Variants in TMEM39A observed in about 807,000 individuals in gnomAD.
TMEM39A encodes the protein transmembrane protein 39A.
A neutral mutation model predicts 51.9 loss-of-function variants in TMEM39A; 19 were observed. The ratio of observed to expected loss-of-function variants is 0.37; its 90% confidence interval spans 0.26 to 0.54. The LOEUF (loss-of-function observed/expected upper bound fraction) is 0.54. TMEM39A is among the 20% of genes least tolerant of loss of function. The probability of loss-of-function intolerance (pLI) is 0.88; values close to 1 mark genes in which losing one functional copy is unlikely to be tolerated. For missense variants in TMEM39A, 433 were observed against 590.5 expected (o/e 0.73, Z 2.76); for synonymous variants, 197 against 220.2 (o/e 0.89, Z 0.93).
At position 119,443,063 on chromosome 3, in the gene TMEM39A, C is replaced by CAAA. The variant is rs56263355; in HGVS notation, c.575+3952_575+3954dup. ...CCTGGGCGACAGTGAGACCCTGTCTCAAAAAAAAAAAAAAAAAAAAAAAAG... is the reference window on the plus strand; with the variant it reads ...CCTGGGCGACAGTGAGACCCTGTCTCAAAAAAAAAAAAAAAAAAAAAAAAAAAG... On this transcript the variant is annotated intron_variant, in intron 5 of 8. Coordinates refer to ENST00000319172, the MANE Select transcript of TMEM39A (RefSeq NM_018266.3). 8.1e-3 allele frequency among the ~76,000 whole-genome samples: 428 copies of CAAA among 53,070 alleles called. 6 individuals are homozygous for CAAA. The highest frequency in any genetic ancestry group is 0.068 in the South Asian group (105 of 1,544). 34.8% of individuals were successfully genotyped at this position (53,070 alleles called of 152,430 possible).
chr3:119,440,788 C>T (rs1488922616), intron 5 of TMEM39A, among the ~76,000 whole-genome samples: 1 of 152,082 alleles, frequency 6.6e-6, no homozygotes, highest in African/African-American at 2.4e-5. Context: ...TACAGGCATA[C>T]CTCATTTTAT....
chr3:119,452,618 A>AATCTTCCTT, intron 3 of TMEM39A, 88 bp from the exon 4 acceptor site: 1 of 1,027,828 alleles, frequency 9.7e-7, no homozygotes, highest in Non-Finnish European at 1.5e-6. Flanking sequence ...TATCCCTCAA[A>AATCTTCCTT]AGATCTTCCT....
intron 5 of TMEM39A, among the ~76,000 whole-genome samples, chr3:119,438,584 T>C (rs143138851): frequency 1.1e-3 from 162 of 152,334 alleles, no homozygotes; most frequent in African/African-American, 3.7e-3. Flanking sequence ...TCTATAGAAA[T>C]TTTTAAAGAT....
chr3:119,443,625 A>G (rs2081084403), intron 5 of TMEM39A, among the ~76,000 whole-genome samples: 1 of 152,190 alleles, frequency 6.6e-6, no homozygotes, highest in South Asian at 2.1e-4. Flanking sequence ...TAGAATACAG[A>G]TAGTATAAGG....
chr3:119,453,960 T>C (rs2081231905), intron 3 of TMEM39A, among the ~76,000 whole-genome samples: 1 of 152,100 alleles, frequency 6.6e-6, no homozygotes, highest in Non-Finnish European at 1.5e-5. Context: ...AACTGGTGGT[T>C]AGGGAGGCTA....
chr3:119,447,270 A>T, intron 4 of TMEM39A, 98 bp from the exon 5 acceptor site: 1 of 1,231,238 alleles, frequency 8.1e-7, no homozygotes, highest in Non-Finnish European at 1.1e-6. Context: ...GTGGAAGCTA[A>T]AATGTGTCTT....
chr3:119,459,619 T>C (rs1238535782), intron 2 of TMEM39A, among the ~76,000 whole-genome samples: 1 of 152,164 alleles, frequency 6.6e-6, no homozygotes, highest in African/African-American at 2.4e-5. Flanking sequence ...AAATACACTG[T>C]TGCAAGAACA....
intron 8 of TMEM39A, among the ~76,000 whole-genome samples, chr3:119,433,366 G>A (rs1176186171): frequency 6.6e-6 from 1 of 152,152 alleles, no homozygotes; most frequent in Non-Finnish European, 1.5e-5. Context: ...TGGTTCAGAA[G>A]TCTGATATAG....
chr3:119,441,372 A>C (rs1307777170), intron 5 of TMEM39A, among the ~76,000 whole-genome samples: 1 of 150,274 alleles, frequency 6.7e-6, no homozygotes, highest in Non-Finnish European at 1.5e-5. Context: ...TACTCCAGTG[A>C]ACATACAAAT....
intron 2 of TMEM39A, 117 bp downstream of exon 2, chr3:119,461,845 A>T: frequency 1.2e-6 from 1 of 813,058 alleles, no homozygotes; most frequent in Non-Finnish European, 1.8e-6. Flanking sequence ...CAGGATTTCT[A>T]CCACAGTGTC....
rs1560006729 is a variant in TMEM39A, at chr3:119,432,115, ACTT to A, written c.1330_1332del (p.Lys444del). The A allele has an allele frequency of 1.1e-5, 18 of 1,613,312 alleles. No individual in the cohort carries two copies. The highest frequency in any genetic ancestry group is 1.5e-5 in the Non-Finnish European group (18 of 1,179,506). On this transcript the variant is annotated inframe_deletion, in exon 9 of 9. Transcript: ENST00000319172. Reference sequence around the variant, plus strand: ...AGAGCCATGGAAAGTGTGTGGTTCCACTTCTCCGACCGCAGCAAGGAATAGAGC... The same window carrying A: ...AGAGCCATGGAAAGTGTGTGGTTCCACTCCGACCGCAGCAAGGAATAGAGC...
At chr3:119,451,066 T>G (rs1190211313) in intron 4 of TMEM39A, 1 of 256,816 alleles carries the variant, frequency 3.9e-6, no homozygotes, top group Non-Finnish European at 7.0e-6. Context: ...AAACATAAAA[T>G]TCCACTGAGA....
At chr3:119,435,315 G>T (rs922786002) in intron 7 of TMEM39A, 1 of 985,356 alleles carries the variant, frequency 1.0e-6, no homozygotes, top group East Asian at 1.1e-4. Context: ...AATCTAGCAT[G>T]ACATTTACTG....
chr3:119,440,303 T>G (rs1466470363), intron 5 of TMEM39A, among the ~76,000 whole-genome samples: 1 of 152,196 alleles, frequency 6.6e-6, no homozygotes, highest in Admixed American at 6.5e-5. Context: ...CGACCTGCCC[T>G]ATCCCCATAC....
chr3:119,452,594 C>G, intron 3 of TMEM39A, 64 bp from the exon 4 acceptor site: 1 of 1,302,724 alleles, frequency 7.7e-7, no homozygotes, highest in Non-Finnish European at 1.1e-6. Flanking sequence ...GGCACTACTA[C>G]AAGAATAGAG....
intron 8 of TMEM39A, among the ~76,000 whole-genome samples, chr3:119,434,014 T>C (rs891692247): frequency 2.0e-5 from 3 of 152,162 alleles, no homozygotes; most frequent in Non-Finnish European, 4.4e-5. Context: ...GATCTCCAAT[T>C]CTTGTTTAGA....
chr3:119,450,441 C>T (rs2081183059), intron 4 of TMEM39A, among the ~76,000 whole-genome samples: 2 of 152,158 alleles, frequency 1.3e-5, no homozygotes, highest in Non-Finnish European at 2.9e-5. Context: ...TTTAAACATT[C>T]CCTTACTGAT....
Position 119,429,561 on chromosome 3 carries a change from T to C in TMEM39A, c.*2420A>G, listed in dbSNP as rs1270050226. ...TTCTACTATCAGTGAGCAAATATAG[T>C]GTCCCTTCTGTTACATGAACTATAA... On this transcript the variant is annotated 3_prime_UTR_variant, in exon 9 of 9. Coordinates refer to ENST00000319172, the MANE Select transcript of TMEM39A (RefSeq NM_018266.3). 6.6e-6 allele frequency: 1 copy of C among 152,170 alleles called. No homozygotes were observed. The highest frequency in any genetic ancestry group is 2.4e-5 in the African/African-American group (1 of 41,446). The allele number at this position is 152,170 out of a possible 1,614,324, so 9.4% of individuals were successfully genotyped here.
At chr3:119,433,157 T>G (rs1280535196) in intron 8 of TMEM39A, among the ~76,000 whole-genome samples, 1 of 152,116 alleles carries the variant, frequency 6.6e-6, no homozygotes, top group East Asian at 1.9e-4. Flanking sequence ...TCTTAAGAGC[T>G]TACACCTCAG....
Sources: gnomAD v4.1 joint callset for allele counts (sites outside exome capture counted in the v4.1 genomes callset) on GRCh38, gnomAD v4.1.1 for gene constraint, MANE v1.5 for transcripts, NCBI Gene and HGNC (gene_info 2026-07-23, HGNC 2026-07-21) for gene names.